The following PGCKA1 variants were observed in gnomAD, a reference collection of about 807,000 sequenced individuals.
PGCKA1 encodes the protein PDCD10 and GCKIII kinases associated 1, also known as PDCD10 and GCKIII kinases-associated protein 1.
At chr4:37,529,734 G>A in the PGCKA1 span, among the ~76,000 whole-genome samples, 2 of 152,138 alleles carry the variant, frequency 1.3e-5, no homozygotes, top group African/African-American at 4.8e-5. Flanking sequence ...TCTTTCATCG[G>A]TGTTTTCGTC....
At chr4:37,577,476 G>A in the PGCKA1 span, among the ~76,000 whole-genome samples, 1 of 151,222 alleles carries the variant, frequency 6.6e-6, no homozygotes, top group Non-Finnish European at 1.5e-5. Flanking sequence ...TCTTAGTCTG[G>A]CTAAAGGTTT....
At chr4:37,465,998 G>A in the PGCKA1 span, among the ~76,000 whole-genome samples, 2 of 146,130 alleles carry the variant, frequency 1.4e-5, no homozygotes, top group Non-Finnish European at 3.0e-5. Flanking sequence ...ACAAGCACTA[G>A]GAACATTGGG....
At chr4:37,476,247 C>G in the PGCKA1 span, among the ~76,000 whole-genome samples, 4 of 152,120 alleles carry the variant, frequency 2.6e-5, no homozygotes, top group East Asian at 5.8e-4. Flanking sequence ...CTAATGTTCT[C>G]ATTTTCCAAA....
chr4:37,508,683 C>CTTTTTTTTTTTTTTTTTTTTTTTTTTTTT, the PGCKA1 span, among the ~76,000 whole-genome samples: 115 of 84,630 alleles, frequency 1.4e-3, 6 homozygotes, highest in Admixed American at 4.0e-3. Context: ...TTTGCTGAAT[C>CTTTTTTTTTTTTTTTTTTTTTTTTTTTTT]TTTTTTTTAG....
At chr4:37,555,409 CAGGAAACA>C in the PGCKA1 span, among the ~76,000 whole-genome samples, 1 of 152,112 alleles carries the variant, frequency 6.6e-6, no homozygotes, top group African/African-American at 2.4e-5. Context: ...GACAGGAGGC[CAGGAAACA>C]AGTCCTGGCT....
At chr4:37,517,518 G>C in the PGCKA1 span, among the ~76,000 whole-genome samples, 1 of 152,062 alleles carries the variant, frequency 6.6e-6, no homozygotes, top group Non-Finnish European at 1.5e-5. Flanking sequence ...GTCACTAACG[G>C]TGACATCACT....
chr4:37,535,215 C>T, the PGCKA1 span, among the ~76,000 whole-genome samples: 7,225 of 152,186 alleles, frequency 0.047, 283 homozygotes, highest in Admixed American at 0.11. Flanking sequence ...AGTGTGACAG[C>T]GTGACGTGTT....
At chr4:37,528,406 G>A in the PGCKA1 span, among the ~76,000 whole-genome samples, 3 of 152,190 alleles carry the variant, frequency 2.0e-5, no homozygotes, top group South Asian at 6.2e-4. Flanking sequence ...GAAGGCCCAG[G>A]GCTGTGTTTT....
the PGCKA1 span, among the ~76,000 whole-genome samples, chr4:37,493,181 G>C: frequency 1.3e-5 from 2 of 152,116 alleles, no homozygotes; most frequent in African/African-American, 4.8e-5. Flanking sequence ...GGCCAAACTT[G>C]CTGAGTCTGT....
At chr4:37,532,822 G>C in the PGCKA1 span, among the ~76,000 whole-genome samples, 1 of 152,096 alleles carries the variant, frequency 6.6e-6, no homozygotes, top group Non-Finnish European at 1.5e-5. Flanking sequence ...AGTGAATACT[G>C]TCAAGAAGTC....
At chr4:37,495,023 A>C in the PGCKA1 span, among the ~76,000 whole-genome samples, 1 of 152,232 alleles carries the variant, frequency 6.6e-6, no homozygotes, top group Admixed American at 6.5e-5. Flanking sequence ...TAGAGAGCTT[A>C]AACAAATTTA....
At chr4:37,577,367 G>T in the PGCKA1 span, among the ~76,000 whole-genome samples, 6 of 152,070 alleles carry the variant, frequency 3.9e-5, no homozygotes, top group South Asian at 1.2e-3. Flanking sequence ...ACATATAATT[G>T]TTCATAGTAG....
chr4:37,551,243 G>C, the PGCKA1 span, among the ~76,000 whole-genome samples: 1 of 152,058 alleles, frequency 6.6e-6, no homozygotes, highest in Non-Finnish European at 1.5e-5. Context: ...TTTACTGCCC[G>C]TAAAAGCAGG....
At chr4:37,560,366 C>G in the PGCKA1 span, among the ~76,000 whole-genome samples, 1 of 151,506 alleles carries the variant, frequency 6.6e-6, no homozygotes, top group Non-Finnish European at 1.5e-5. Context: ...CCAGCACTCT[C>G]AAGACCCAAG....
chr4:37,586,515 T>C, the PGCKA1 span, among the ~76,000 whole-genome samples: 1 of 151,934 alleles, frequency 6.6e-6, no homozygotes, highest in Non-Finnish European at 1.5e-5. Context: ...CCAGGAAGAG[T>C]TGGAAGGACA....
At chr4:37,538,540 G>A in the PGCKA1 span, among the ~76,000 whole-genome samples, 1 of 152,180 alleles carries the variant, frequency 6.6e-6, no homozygotes, top group Admixed American at 6.5e-5. Flanking sequence ...GAACTTAACA[G>A]GAGTTAAGAA....
the PGCKA1 span, among the ~76,000 whole-genome samples, chr4:37,474,439 G>C: frequency 6.6e-6 from 1 of 152,080 alleles, no homozygotes; most frequent in Non-Finnish European, 1.5e-5. Flanking sequence ...ACTTGTCAAC[G>C]TTGCCTCTCT....
At chr4:37,536,705 A>T in the PGCKA1 span, among the ~76,000 whole-genome samples, 1 of 152,232 alleles carries the variant, frequency 6.6e-6, no homozygotes, top group East Asian at 1.9e-4. Context: ...TATGGTATCT[A>T]TTGCAACTAC....
the PGCKA1 span, among the ~76,000 whole-genome samples, chr4:37,473,902 C>A: frequency 6.6e-6 from 1 of 152,274 alleles, no homozygotes; most frequent in South Asian, 2.1e-4. Flanking sequence ...TTGCATATCC[C>A]CAGACCCCAT....
Sources: allele counts gnomAD v4.1 joint callset (sites outside exome capture counted in the v4.1 genomes callset), GRCh38; gene constraint gnomAD v4.1.1; transcripts MANE v1.5; gene names NCBI Gene and HGNC (gene_info 2026-07-23, HGNC 2026-07-21).